SPTAN1: variants seen among roughly 807,000 people sequenced by gnomAD.
SPTAN1 encodes the protein spectrin alpha chain, non-erythrocytic 1.
In SPTAN1, 61 loss-of-function variants were observed where a neutral mutation model predicts 331.3. That is an observed-to-expected ratio of 0.18 (90% CI 0.15 to 0.23). The LOEUF is 0.23. Ranked by LOEUF, SPTAN1 falls within the 10% of genes least tolerant of loss-of-function variation. SPTAN1 has a pLI of 1.00. For missense variants in SPTAN1, 2,043 were observed against 3,147.9 expected, an observed-to-expected ratio of 0.65 and a Z score of 8.40; for synonymous variants, 1,153 against 1,173.9, an observed-to-expected ratio of 0.98 and a Z score of 0.36.
At chr9:128,619,303 A>G (rs898790091) in intron 44 of SPTAN1, among the ~76,000 whole-genome samples, 3 of 152,202 alleles carry the variant, frequency 2.0e-5, no homozygotes, top group Admixed American at 2.0e-4. Flanking sequence ...AATAAGTACC[A>G]CAAACGGAGT....
intron 28 of SPTAN1, among the ~76,000 whole-genome samples, chr9:128,603,855 GCA>G (rs1398448948): frequency 2.0e-5 from 3 of 152,358 alleles, no homozygotes; most frequent in South Asian, 4.1e-4. Context: ...GCTGGAAGGA[GCA>G]CAGTCTCAGT....
chr9:128,577,924 G>A lies in SPTAN1; in HGVS notation c.1086-186G>A, dbSNP rs1230815134. ...TGATGGAGAGAACCTAAGTTTTAAA[G>A]GGTTGATTTCAGCCTTCTCTTGCTT... On this transcript the variant is annotated intron_variant, in intron 8 of 56. Transcript: ENST00000372739. The surrounding 1 kb of genome is among the most constrained non-coding windows in gnomAD (Gnocchi z 4.2). Among the ~76,000 whole-genome samples the A allele has an allele frequency of 6.6e-6, 1 of 152,168 alleles. No homozygotes were observed. The highest frequency in any genetic ancestry group is 1.5e-5 in the Non-Finnish European group (1 of 68,020).
At chr9:128,555,430 C>A (rs1482014814) in intron 1 of SPTAN1, 1 of 1,288,698 alleles carries the variant, frequency 7.8e-7, no homozygotes, top group South Asian at 1.2e-5. Flanking sequence ...AAACGGGTTG[C>A]CTTTTTGGTT....
rs796053319 is a variant in SPTAN1 at position 128,552,696 on chromosome 9, G to T, written c.-4G>T. 2 of 152,066 alleles carry T rather than the reference G, an allele frequency of 1.3e-5. No individual in the cohort carries two copies. Among genetic ancestry groups the T allele is most frequent in the Non-Finnish European group, 2.9e-5 (2 of 68,106 alleles). The allele number at this position is 152,066 out of a possible 1,614,324, so 9.4% of individuals were successfully genotyped here. On this transcript the variant is annotated splice_region_variant and 5_prime_UTR_variant, in exon 1 of 57. Transcript: ENST00000372739. The surrounding 1 kb of genome is among the most constrained non-coding windows in gnomAD (Gnocchi z 4.6). ...CCACGCCCCTCACCCCCCGAGAGCC[G>T]GTGAGAGGGGCAGCCGGGGAGCTCC...
rs1417808632 is a variant in SPTAN1 at position 128,593,003 on chromosome 9, C to A, written c.3176C>A (p.Ala1059Asp). ...IDNQTRITKE[A>D]GSVSLRMKQV... The stretch of plus-strand genomic sequence containing the variant: ...TGCAGGACACGCATAACTAAGGAGG[C>A]CGGCAGTGTATCTCTGCGTATGAAG... Residue 1059 changes from alanine (A) to aspartate (D), a missense_variant, in exon 23 of 57, where the codon GCC becomes GAC. Physicochemically the swap from Ala to Asp is moderately radical, Grantham distance 126. Transcript: ENST00000372739. The A allele has an allele frequency of 6.2e-7, 1 of 1,609,698 alleles. No individual in the cohort carries two copies. Among genetic ancestry groups the A allele is most frequent in the South Asian group, 1.1e-5 (1 of 89,974 alleles).
intron 10 of SPTAN1, 39 bp downstream of exon 10, chr9:128,579,777 C>T: frequency 4.1e-6 from 6 of 1,474,576 alleles, no homozygotes; most frequent in Non-Finnish European, 5.7e-6. Context: ...GAGCAAATTA[C>T]ACCTTTCACT....
chr9:128,560,675 T>A (rs1589126180), intron 1 of SPTAN1, among the ~76,000 whole-genome samples: 2 of 152,100 alleles, frequency 1.3e-5, no homozygotes, highest in East Asian at 3.9e-4. Flanking sequence ...CCACTGTGTC[T>A]GCCTCACTGT....
intron 44 of SPTAN1, among the ~76,000 whole-genome samples, chr9:128,620,532 C>T (rs1330337071): frequency 6.6e-6 from 1 of 152,140 alleles, no homozygotes; most frequent in East Asian, 1.9e-4. Context: ...ACCTGGCCAA[C>T]ATGGTGAAAC....
At chr9:128,628,906 C>T in intron 51 of SPTAN1, 1 of 381,628 alleles carries the variant, frequency 2.6e-6, no homozygotes, top group Non-Finnish European at 4.6e-6. Context: ...TGCCACGCTC[C>T]CCTCACCTTA....
At position 128,632,495 on chromosome 9, in the gene SPTAN1, C is replaced by T. The variant is rs769831605; in HGVS notation, c.7013+11C>T. ...CAGCATGATGTTTAAGTGAGTTCAG[C>T]CTTACTCGCCCTGGCTGGGTGGGGG... On this transcript the variant is annotated intron_variant, in intron 54 of 56. Transcript: ENST00000372739. 1 of 1,614,190 alleles carries T rather than the reference C, an allele frequency of 6.2e-7. No individual in the cohort carries two copies. Among genetic ancestry groups the T allele is most frequent in the Non-Finnish European group, 8.5e-7 (1 of 1,180,026 alleles).
At chr9:128,617,925 G>A (rs1589353184) in intron 42 of SPTAN1, 62 bp from the exon 43 acceptor site, 13 of 1,613,800 alleles carry the variant, frequency 8.1e-6, no homozygotes, top group African/African-American at 4.0e-5. Context: ...TTTCCTGGGA[G>A]CTTCGAGACA....
At chr9:128,585,558 G>C (rs1852492284) in intron 18 of SPTAN1, among the ~76,000 whole-genome samples, 190 bp from the exon 19 acceptor site, 1 of 151,924 alleles carries the variant, frequency 6.6e-6, no homozygotes, top group Admixed American at 6.6e-5. Context: ...GGTTTGAGGA[G>C]GCAAAAAATG....
At chr9:128,560,133 G>C (rs1483085853) in intron 1 of SPTAN1, among the ~76,000 whole-genome samples, 2 of 145,828 alleles carry the variant, frequency 1.4e-5, no homozygotes, top group East Asian at 2.0e-4. Flanking sequence ...GCCCAGGCTG[G>C]AGTGCAAAGG....
chr9:128,600,154 T>C (rs1292435727), intron 27 of SPTAN1, 39 bp downstream of exon 27: 2 of 1,604,890 alleles, frequency 1.2e-6, no homozygotes, highest in African/African-American at 1.3e-5. Flanking sequence ...TCAAGAGTTT[T>C]GCGAGATCAT....
chr9:128,553,617 G>A (rs1848359019), intron 1 of SPTAN1, among the ~76,000 whole-genome samples: 1 of 152,200 alleles, frequency 6.6e-6, no homozygotes, highest in Non-Finnish European at 1.5e-5. Flanking sequence ...TTTTAAATAA[G>A]CGCCTTGTTA....
chr9:128,592,885 C>T, intron 22 of SPTAN1, 98 bp from the exon 23 acceptor site: 1 of 1,110,774 alleles, frequency 9.0e-7, no homozygotes, highest in Non-Finnish European at 1.3e-6. Flanking sequence ...CAACATTAAG[C>T]ATCCACCATC....
Position 128,632,421 on chromosome 9 carries a change from T to G in SPTAN1, c.6960-10T>G, listed in dbSNP as rs912729375. ...GAGGGTCTGTTCCCTAATTTCTGTTTTTCTTCCAGGAACACAACAGGTGTG... is the reference window on the plus strand; with the variant it reads ...GAGGGTCTGTTCCCTAATTTCTGTTGTTCTTCCAGGAACACAACAGGTGTG... On this transcript the variant is annotated splice_polypyrimidine_tract_variant and intron_variant, in intron 53 of 56. Coordinates refer to ENST00000372739, the MANE Select transcript of SPTAN1 (RefSeq NM_001130438.3). 6.2e-7 allele frequency: 1 copy of G among 1,613,984 alleles called. No homozygotes were observed. Among genetic ancestry groups the G allele is most frequent in the African/African-American group, 1.3e-5 (1 of 74,926 alleles).
At position 128,582,780 on chromosome 9, in the gene SPTAN1, C is replaced by T. The variant is rs143941068; in HGVS notation, c.1737C>T (p.Phe579=). The change falls in exon 14 of 57, where the codon TTC becomes TTT. Residue 579 remains phenylalanine (F), a synonymous_variant. Coordinates refer to ENST00000372739, the MANE Select transcript of SPTAN1 (RefSeq NM_001130438.3). Reference sequence around the variant, plus strand: ...ATTCTTTCCATCTGCAGCAGTTTTTCCGTGATTCTGATGAGCTCAAGAGTT... The same window carrying T: ...ATTCTTTCCATCTGCAGCAGTTTTTTCGTGATTCTGATGAGCTCAAGAGTT... The part of the protein sequence containing the change: ...LADSFHLQQF[F]RDSDELKSWV... 295 of 1,614,026 alleles carry T rather than the reference C, an allele frequency of 1.8e-4. 1 individual carries two copies. The African/African-American group carries it at 3.5e-3, about 19-fold the overall frequency.
Position 128,566,982 on chromosome 9 carries a change from G to A in SPTAN1, c.237+5G>A, listed in dbSNP as rs747501430. 30 of 1,613,850 alleles carry A rather than the reference G, an allele frequency of 1.9e-5. No homozygotes were observed. The highest frequency in any genetic ancestry group is 5.3e-5 in the African/African-American group (4 of 74,926). The stretch of plus-strand genomic sequence containing the variant: ...AAAGACCCAACCAACTTGCAGGTAC[G>A]TCTGATCTCCTGGGATTCCTGCCAA... On this transcript the variant is annotated splice_donor_5th_base_variant and intron_variant, in intron 2 of 56. Transcript: ENST00000372739.
Sources: allele counts gnomAD v4.1 joint callset (sites outside exome capture counted in the v4.1 genomes callset), GRCh38; gene constraint gnomAD v4.1.1; non-coding constraint Gnocchi (gnomAD v3.1); transcripts MANE v1.5; gene names NCBI Gene and HGNC (gene_info 2026-07-23, HGNC 2026-07-21).